MCUB: variants seen among roughly 807,000 people sequenced by gnomAD.
MCUB encodes calcium uniporter regulatory subunit MCUb, mitochondrial.
In MCUB, 46 loss-of-function variants were observed where a neutral mutation model predicts 41.4. The observed-to-expected ratio is 1.11, with a 90% confidence interval of 0.88 to 1.42. The LOEUF (loss-of-function observed/expected upper bound fraction) is 1.42, where lower values mean the gene tolerates loss of function less well. MCUB is among the 40% of genes most tolerant of loss of function. MCUB has a pLI of 0.00. For missense variants in MCUB, 403 were observed against 404.9 expected (o/e 1.00, Z 0.04); for synonymous variants, 148 against 148.2 (o/e 1.00, Z 0.01).
chr4:109,605,444 T>A (rs1727847774), intron 1 of MCUB, among the ~76,000 whole-genome samples: 1 of 152,244 alleles, frequency 6.6e-6, no homozygotes, highest in Admixed American at 6.5e-5. Flanking sequence ...TTTTGTGACC[T>A]AGCATATTAT....
chr4:109,593,212 C>T (rs1227913440), intron 1 of MCUB, among the ~76,000 whole-genome samples: 1 of 152,130 alleles, frequency 6.6e-6, no homozygotes, highest in African/African-American at 2.4e-5. Context: ...AATCTTATTT[C>T]GTGTCAATCA....
chr4:109,653,157 G>A lies in MCUB; in HGVS notation c.100-5854G>A, dbSNP rs1016326346. 1.2e-4 allele frequency among the ~76,000 whole-genome samples: 18 copies of A among 152,094 alleles called. No individual in the cohort carries two copies. In the East Asian group the frequency reaches 2.1e-3, roughly 18 times the overall value. On this transcript the variant is annotated intron_variant, in intron 1 of 7. Coordinates refer to ENST00000394650, the MANE Select transcript of MCUB (RefSeq NM_017918.5). ...TTTGGGAGGCTGAGGCGGGCGGATC[G>A]CGAGGTTAGGAGTTCAAGACCAGCC...
At chr4:109,569,346 A>G (rs1726855538) in intron 1 of MCUB, among the ~76,000 whole-genome samples, 2 of 152,046 alleles carry the variant, frequency 1.3e-5, no homozygotes, top group African/African-American at 2.4e-5. Flanking sequence ...GCGCCTGGCC[A>G]TGAATAGTAG....
chr4:109,607,943 G>A (rs1036668290), intron 1 of MCUB, among the ~76,000 whole-genome samples: 3 of 152,006 alleles, frequency 2.0e-5, no homozygotes, highest in African/African-American at 7.2e-5. Flanking sequence ...CCTAGGTTTG[G>A]GAAGTTCTCT....
At chr4:109,682,543 A>G (rs759273726) in intron 4 of MCUB, 39 bp from the exon 5 acceptor site, 2 of 1,552,700 alleles carry the variant, frequency 1.3e-6, no homozygotes, top group East Asian at 2.3e-5. Flanking sequence ...TGCGGGAACA[A>G]TGTGGTGACT....
chr4:109,594,187 T>C (rs1226193904), intron 1 of MCUB, among the ~76,000 whole-genome samples: 1 of 152,232 alleles, frequency 6.6e-6, no homozygotes, highest in Non-Finnish European at 1.5e-5. Context: ...AAACAGAGTA[T>C]TTAGCATGGA....
chr4:109,576,913 G>T (rs113641730), intron 1 of MCUB, among the ~76,000 whole-genome samples: 1 of 152,026 alleles, frequency 6.6e-6, no homozygotes, highest in Non-Finnish European at 1.5e-5. Flanking sequence ...GTGCAGTGGC[G>T]CAATCTCGCC....
At chr4:109,602,889 A>G (rs1166437381) in intron 1 of MCUB, among the ~76,000 whole-genome samples, 2 of 152,152 alleles carry the variant, frequency 1.3e-5, no homozygotes, top group Non-Finnish European at 2.9e-5. Context: ...TCTATGATTT[A>G]TAGTTTTCAT....
At chr4:109,626,293 A>G (rs1386292747) in intron 1 of MCUB, among the ~76,000 whole-genome samples, 2 of 152,210 alleles carry the variant, frequency 1.3e-5, no homozygotes, top group Non-Finnish European at 2.9e-5. Flanking sequence ...TCTTATCACA[A>G]ATTTTCTTTT....
At chr4:109,663,054 T>C (rs1386370406) in intron 3 of MCUB, among the ~76,000 whole-genome samples, 1 of 152,156 alleles carries the variant, frequency 6.6e-6, no homozygotes. Flanking sequence ...AAAAGAACTA[T>C]AGGGAGGCAG....
At chr4:109,572,554 C>T (rs1487969178) in intron 1 of MCUB, among the ~76,000 whole-genome samples, 1 of 152,094 alleles carries the variant, frequency 6.6e-6, no homozygotes, top group Admixed American at 6.6e-5. Flanking sequence ...CTAACTGTAT[C>T]TCAGAATAAA....
intron 1 of MCUB, among the ~76,000 whole-genome samples, chr4:109,608,980 C>G (rs964549387): frequency 2.6e-5 from 4 of 152,158 alleles, no homozygotes; most frequent in Non-Finnish European, 4.4e-5. Context: ...TACTGCCTTG[C>G]TGGTGTTGGA....
At chr4:109,607,280 C>T (rs578167533) in intron 1 of MCUB, among the ~76,000 whole-genome samples, 3 of 152,154 alleles carry the variant, frequency 2.0e-5, no homozygotes, top group East Asian at 1.9e-4. Context: ...TGCAATGGCA[C>T]GATCTTGGCT....
chr4:109,660,295 A>G lies in MCUB; in HGVS notation c.276A>G (p.Thr92=), dbSNP rs766328651. The change falls in exon 3 of 8, where the codon ACA becomes ACG. Residue 92 remains threonine, a synonymous_variant. Transcript: ENST00000394650. ...CQFVVKPMLS[T]VGSFLQDLQN... is the part of the protein sequence containing the mutation. ...TCGTAGTCAAACCAATGTTGTCAAC[A>G]GTTGGTTCATTCCTTCAGGACCTAC... 2 of 1,604,700 alleles carry G rather than the reference A, an allele frequency of 1.2e-6. No individual in the cohort carries two copies. The highest frequency in any genetic ancestry group is 1.1e-5 in the South Asian group (1 of 90,868).
At chr4:109,667,003 G>C (rs548512220) in intron 4 of MCUB, among the ~76,000 whole-genome samples, 1 of 152,028 alleles carries the variant, frequency 6.6e-6, no homozygotes, top group Non-Finnish European at 1.5e-5. Context: ...ATTTTGCTGA[G>C]GATTTTTGTG....
chr4:109,638,220 G>C (rs1310732369), intron 1 of MCUB, among the ~76,000 whole-genome samples: 2 of 152,092 alleles, frequency 1.3e-5, no homozygotes, highest in Non-Finnish European at 2.9e-5. Flanking sequence ...AGCTGGACAT[G>C]GTGGCGCATG....
intron 4 of MCUB, among the ~76,000 whole-genome samples, chr4:109,678,282 C>A (rs191249224): frequency 3.3e-5 from 5 of 152,162 alleles, no homozygotes; most frequent in African/African-American, 9.6e-5. Flanking sequence ...CTTTTCTATT[C>A]GACAAAACCG....
At chr4:109,671,516 C>G (rs2126147935) in intron 4 of MCUB, among the ~76,000 whole-genome samples, 2 of 152,244 alleles carry the variant, frequency 1.3e-5, no homozygotes, top group Admixed American at 1.3e-4. Context: ...TACTGATGAG[C>G]CCATCAAAGG....
chr4:109,566,753 T>TA (rs1182489660), intron 1 of MCUB, among the ~76,000 whole-genome samples: 1 of 152,198 alleles, frequency 6.6e-6, no homozygotes, highest in Non-Finnish European at 1.5e-5. Flanking sequence ...TGACTTCAGC[T>TA]AAGTTCACAG....
Sources: allele counts gnomAD v4.1 joint callset (sites outside exome capture counted in the v4.1 genomes callset), GRCh38; gene constraint gnomAD v4.1.1; transcripts MANE v1.5; gene names NCBI Gene and HGNC (gene_info 2026-07-23, HGNC 2026-07-21).